Variants in HORMAD2 observed in about 807,000 individuals in gnomAD.
HORMAD2 encodes HORMA domain-containing protein 2.
Under a neutral mutation model 38.8 loss-of-function variants are expected in HORMAD2, and 45 were observed. The observed-to-expected ratio is 1.16, with a 90% CI of 0.91 to 1.49. The LOEUF is 1.49. Ranked by LOEUF, HORMAD2 falls within the 40% of genes most tolerant of loss-of-function variation. The pLI is 0.00. For missense variants in HORMAD2, 338 were observed against 367.0 expected (o/e 0.92, Z 0.65); for synonymous variants, 126 against 122.8 (o/e 1.03, Z -0.17).
chr22:30,153,749 T>A (rs773658052), intron 10 of HORMAD2, among the ~76,000 whole-genome samples: 15 of 152,192 alleles, frequency 9.9e-5, no homozygotes, highest in Non-Finnish European at 2.1e-4. Flanking sequence ...GTCTTTCCCA[T>A]CTCAGTAAAC....
At position 30,098,929 on chromosome 22, in the gene HORMAD2, C is replaced by T; in HGVS notation, c.129C>T (p.Ile43=). The change falls in exon 3 of 11, where the codon ATC becomes ATT. Residue 43 remains isoleucine (I), a synonymous_variant. Transcript: ENST00000336726. ...KMVKKLFATS[I]SCITYLRGLF... The stretch of plus-strand genomic sequence containing the variant: ...TGAAGAAACTTTTTGCTACTTCCAT[C>T]TCATGTATAACATACCTAAGGGGCC... The T allele has an allele frequency of 6.2e-7, 1 of 1,613,376 alleles. No individual in the cohort carries two copies. The highest frequency in any genetic ancestry group is 1.1e-5 in the South Asian group (1 of 91,064).
chr22:30,153,478 G>T (rs1255148199), intron 10 of HORMAD2, among the ~76,000 whole-genome samples: 1 of 152,054 alleles, frequency 6.6e-6, no homozygotes, highest in Non-Finnish European at 1.5e-5. Flanking sequence ...CTTGAGTTAG[G>T]TCAGTTTTCT....
At chr22:30,088,882 G>A (rs189725272) in intron 1 of HORMAD2, among the ~76,000 whole-genome samples, 8 of 152,104 alleles carry the variant, frequency 5.3e-5, no homozygotes, top group African/African-American at 1.9e-4. Context: ...AACTCTTAGA[G>A]CTACTTTGTT....
rs529194864 is a variant in HORMAD2, at chr22:30,162,177, G to T, written c.820-13886G>T. On this transcript the variant is annotated intron_variant, in intron 10 of 10. Transcript: ENST00000336726. ...AAAATACAAAAATTAGCTGGGCGTGGTGATGTGTGCCTGTAGTCCCAGGTA... is the reference window on the plus strand; with the variant it reads ...AAAATACAAAAATTAGCTGGGCGTGTTGATGTGTGCCTGTAGTCCCAGGTA... Among the ~76,000 whole-genome samples the T allele has an allele frequency of 3.9e-5, 6 of 152,242 alleles. No individual in the cohort carries two copies. The South Asian group carries it at 1.0e-3, about 26-fold the overall frequency.
At chr22:30,204,501 A>G in the HORMAD2 span, among the ~76,000 whole-genome samples, 1 of 152,194 alleles carries the variant, frequency 6.6e-6, no homozygotes, top group Non-Finnish European at 1.5e-5. Context: ...CTCCCTGGCC[A>G]CCATTCTCCA....
intron 10 of HORMAD2, among the ~76,000 whole-genome samples, chr22:30,147,394 C>T (rs1464680537): frequency 6.6e-6 from 1 of 150,908 alleles, no homozygotes; most frequent in Non-Finnish European, 1.5e-5. Flanking sequence ...ACTAGTAGTA[C>T]TGGAACAACT....
chr22:30,189,152 C>A, the HORMAD2 span, among the ~76,000 whole-genome samples: 1 of 151,660 alleles, frequency 6.6e-6, no homozygotes, highest in Non-Finnish European at 1.5e-5. Context: ...AAGGTCAAAT[C>A]TCTTTCTGTT....
intron 7 of HORMAD2, among the ~76,000 whole-genome samples, chr22:30,115,365 C>G (rs571495275): frequency 1.3e-5 from 2 of 152,262 alleles, no homozygotes; most frequent in African/African-American, 4.8e-5. Flanking sequence ...GCCTCAGCCT[C>G]CCAAAATGCT....
At chr22:30,206,190 G>A in the HORMAD2 span, among the ~76,000 whole-genome samples, 4 of 151,964 alleles carry the variant, frequency 2.6e-5, no homozygotes, top group Non-Finnish European at 5.9e-5. Context: ...TTTTTGAGAT[G>A]GAGTCTTGCT....
At chr22:30,111,713 A>G in intron 5 of HORMAD2, 83 bp from the exon 6 acceptor site, 1 of 1,137,182 alleles carries the variant, frequency 8.8e-7, no homozygotes, top group Non-Finnish European at 1.2e-6. Context: ...CTCTGAAATA[A>G]TATTTTAATT....
intron 5 of HORMAD2, among the ~76,000 whole-genome samples, chr22:30,108,421 T>G (rs2146102410): frequency 6.6e-6 from 1 of 152,322 alleles, no homozygotes; most frequent in Middle Eastern, 3.4e-3. Context: ...ACAAAGAATC[T>G]AGAACATGCC....
chr22:30,202,065 T>C, the HORMAD2 span, among the ~76,000 whole-genome samples: 1 of 152,194 alleles, frequency 6.6e-6, no homozygotes, highest in Non-Finnish European at 1.5e-5. Flanking sequence ...CAAAGGATCT[T>C]TGGATTAAGG....
intron 1 of HORMAD2, among the ~76,000 whole-genome samples, chr22:30,087,153 G>C (rs1164671911): frequency 6.6e-6 from 1 of 152,132 alleles, no homozygotes; most frequent in African/African-American, 2.4e-5. Flanking sequence ...GAGCCACTGC[G>C]CCTGGCCTAC....
intron 10 of HORMAD2, chr22:30,136,986 T>C: frequency 2.0e-6 from 1 of 512,728 alleles, no homozygotes; most frequent in Admixed American, 2.9e-5. Context: ...TTGGCAGACC[T>C]GTTAGTGTCA....
At chr22:30,087,522 A>G (rs1460588834) in intron 1 of HORMAD2, among the ~76,000 whole-genome samples, 3 of 152,172 alleles carry the variant, frequency 2.0e-5, no homozygotes. Flanking sequence ...CTGTTCTTGC[A>G]TTGCTATAAA....
intron 2 of HORMAD2, among the ~76,000 whole-genome samples, chr22:30,098,239 A>G (rs1287993455): frequency 6.6e-6 from 1 of 152,210 alleles, no homozygotes; most frequent in African/African-American, 2.4e-5. Flanking sequence ...AGATGAGATT[A>G]TTCAAGAAGA....
At chr22:30,115,085 T>C (rs527804992) in intron 7 of HORMAD2, among the ~76,000 whole-genome samples, 1 of 152,272 alleles carries the variant, frequency 6.6e-6, no homozygotes, top group South Asian at 2.1e-4. Flanking sequence ...TCACTATCTA[T>C]TCCTTTGTGC....
At chr22:30,207,083 A>C in the HORMAD2 span, 4 of 470,662 alleles carry the variant, frequency 8.5e-6, no homozygotes. Flanking sequence ...TGGACATCCC[A>C]GCTCAGCGGC....
intron 1 of HORMAD2, among the ~76,000 whole-genome samples, chr22:30,089,959 A>G (rs1347537975): frequency 5.3e-5 from 8 of 152,198 alleles, no homozygotes; most frequent in Non-Finnish European, 7.3e-5. Flanking sequence ...GGTACCTCAT[A>G]TAAGTGGGAT....
Sources: gnomAD v4.1 joint callset for allele counts (sites outside exome capture counted in the v4.1 genomes callset) on GRCh38, gnomAD v4.1.1 for gene constraint, MANE v1.5 for transcripts, NCBI Gene and HGNC (gene_info 2026-07-23, HGNC 2026-07-21) for gene names.